Variants in MIGA1 observed in about 807,000 individuals in gnomAD.
MIGA1 encodes mitoguardin 1, also known as family with sequence similarity 73, member A.
A neutral mutation model predicts 82.0 loss-of-function variants in MIGA1; 58 were observed. The observed-to-expected ratio is 0.71, with a 90% confidence interval of 0.57 to 0.88. The LOEUF is 0.88. MIGA1 is among the 40% of genes least tolerant of loss of function. The pLI, the probability that MIGA1 is intolerant of heterozygous loss-of-function variation, is 0.00. For synonymous variants in MIGA1, 249 were observed against 253.6 expected (o/e 0.98, Z 0.17); for missense variants, 751 against 749.1 (o/e 1.00, Z -0.03).
At chr1:77,814,206 T>G (rs1376823854) in intron 6 of MIGA1, among the ~76,000 whole-genome samples, 6 of 152,184 alleles carry the variant, frequency 3.9e-5, no homozygotes, top group Non-Finnish European at 8.8e-5. Flanking sequence ...TTTTTTAATG[T>G]TGATTCAGTG....
At chr1:77,818,635 G>C (rs559289808) in intron 7 of MIGA1, among the ~76,000 whole-genome samples, 46 of 152,244 alleles carry the variant, frequency 3.0e-4, no homozygotes, top group Middle Eastern at 3.4e-3. Flanking sequence ...TTCCTGGCTC[G>C]ACATGGTGGC....
At chr1:77,848,714 A>C in intron 8 of MIGA1, 1 of 1,540,122 alleles carries the variant, frequency 6.5e-7, no homozygotes, top group Non-Finnish European at 9.0e-7. Flanking sequence ...AACAACGAAG[A>C]AACTGTAATG....
chr1:77,832,932 A>G (rs987897021), intron 7 of MIGA1, among the ~76,000 whole-genome samples: 6 of 152,194 alleles, frequency 3.9e-5, no homozygotes, highest in African/African-American at 1.4e-4. Context: ...TTAAGGGAAA[A>G]TTAGAGATTT....
chr1:77,857,369 G>C (rs1248653366), intron 8 of MIGA1, among the ~76,000 whole-genome samples: 1 of 148,258 alleles, frequency 6.7e-6, no homozygotes, highest in African/African-American at 2.5e-5. Context: ...GTATTGTATT[G>C]TATTTATGTA....
In MIGA1 at chr1:77,807,564, TGTTA is replaced by T. The variant is rs145581701; in HGVS notation, c.637+467_637+470del. ...CTAGTCTTCATAACGTCATACATTGTGTTAGTTTAAACTAATACAACAAAATTAA... is the reference window on the plus strand; with the variant it reads ...CTAGTCTTCATAACGTCATACATTGTGTTTAAACTAATACAACAAAATTAA... On this transcript the variant is annotated intron_variant, in intron 5 of 15. Transcript: ENST00000370791. Among the ~76,000 whole-genome samples the T allele has an allele frequency of 7.3e-3, 1,105 of 152,314 alleles. 16 individuals are homozygous for T. The highest frequency in any genetic ancestry group is 0.025 in the African/African-American group (1,030 of 41,560).
intron 7 of MIGA1, among the ~76,000 whole-genome samples, chr1:77,833,994 G>A (rs1161942226): frequency 6.6e-6 from 1 of 152,148 alleles, no homozygotes; most frequent in African/African-American, 2.4e-5. Context: ...TAAAAATTTT[G>A]ATAAATAGGG....
Position 77,860,224 on chromosome 1 carries a change from A to G in MIGA1, c.1275+98A>G, listed in dbSNP as rs1685413358. The G allele has an allele frequency of 3.4e-5, 26 of 757,172 alleles. No homozygotes were observed. In the South Asian group the frequency reaches 4.3e-4, roughly 13 times the overall value. The allele number at this position is 757,172 out of a possible 1,614,324, so 46.9% of individuals were successfully genotyped here. ...ACATTAAATTTTTGATAGAAGAAAA[A>G]TTTTTGTGGATAGTTGAAAAGGGCA... is the stretch of plus-strand genomic sequence containing the variant. On this transcript the variant is annotated intron_variant, in intron 11 of 15. Coordinates refer to ENST00000370791, the MANE Select transcript of MIGA1 (RefSeq NM_198549.4).
chr1:77,857,834 A>G (rs1057414950), intron 8 of MIGA1, among the ~76,000 whole-genome samples: 5 of 149,024 alleles, frequency 3.4e-5, no homozygotes, highest in African/African-American at 1.2e-4. Flanking sequence ...TATGCTAGCC[A>G]AAAGCACGAC....
At position 77,877,899 on chromosome 1, in the gene MIGA1, G is replaced by C. The variant is rs1366173032; in HGVS notation, c.*2835G>C. On this transcript the variant is annotated 3_prime_UTR_variant, in exon 16 of 16. Transcript: ENST00000370791. Reference sequence around the variant, plus strand: ...GGTTGGTTTGTCAAATTCAGTGTTTGAGTTTGTTTCTGGTCAGTTCAGTAG... The same window carrying C: ...GGTTGGTTTGTCAAATTCAGTGTTTCAGTTTGTTTCTGGTCAGTTCAGTAG... 1 of 152,540 alleles carries C rather than the reference G, an allele frequency of 6.6e-6. No homozygotes were observed. The highest frequency in any genetic ancestry group is 2.4e-5 in the African/African-American group (1 of 41,418). The allele number at this position is 152,540 out of a possible 1,614,324, so 9.4% of individuals were successfully genotyped here. A position where few individuals can be genotyped will look rare whatever the true frequency, so the allele number is the denominator to read the frequency against.
chr1:77,859,183 C>A, intron 9 of MIGA1, 127 bp downstream of exon 9: 1 of 975,172 alleles, frequency 1.0e-6, no homozygotes, highest in Non-Finnish European at 1.6e-6. Flanking sequence ...ATTATTTTTA[C>A]ATGTTCTGTC....
At chr1:77,822,275 A>G (rs898792539) in intron 7 of MIGA1, among the ~76,000 whole-genome samples, 3 of 152,140 alleles carry the variant, frequency 2.0e-5, no homozygotes, top group African/African-American at 7.2e-5. Flanking sequence ...TAAAGAGACC[A>G]TGGGGCCGGG....
chr1:77,847,202 A>AT (rs941317227), intron 8 of MIGA1: 8 of 1,281,808 alleles, frequency 6.2e-6, no homozygotes, highest in Non-Finnish European at 9.1e-6. Flanking sequence ...TTTGGGAATG[A>AT]TTCTGATGAT....
chr1:77,782,504 T>C (rs1461079079), intron 1 of MIGA1, among the ~76,000 whole-genome samples: 1 of 152,238 alleles, frequency 6.6e-6, no homozygotes, highest in Admixed American at 6.5e-5. Context: ...CCATGTAAAT[T>C]TGTTTAACAT....
At chr1:77,869,095 C>G (rs969790776) in intron 14 of MIGA1, among the ~76,000 whole-genome samples, 6 of 151,284 alleles carry the variant, frequency 4.0e-5, no homozygotes, top group Middle Eastern at 3.2e-3. Flanking sequence ...TGCAGCCTTC[C>G]GCAGTGTTTG....
At position 77,818,951 on chromosome 1, in the gene MIGA1, G is replaced by C. The variant is rs549306359; in HGVS notation, c.895+3720G>C. Among the ~76,000 whole-genome samples the C allele has an allele frequency of 2.6e-5, 4 of 151,726 alleles. No individual in the cohort carries two copies. In the South Asian group the frequency reaches 8.4e-4, roughly 32 times the overall value. On this transcript the variant is annotated intron_variant, in intron 7 of 15. Transcript: ENST00000370791. ...AAAAATTAGCTGGGCATGGTGGTGG[G>C]TGCCTGTAATCCCAGCTACTCGGGA...
intron 1 of MIGA1, among the ~76,000 whole-genome samples, 192 bp from the exon 2 acceptor site, chr1:77,783,046 A>G (rs967698041): frequency 6.6e-6 from 1 of 151,372 alleles, no homozygotes; most frequent in Non-Finnish European, 1.5e-5. Flanking sequence ...GCTATCTCCT[A>G]CAGGAAGGAT....
intron 8 of MIGA1, among the ~76,000 whole-genome samples, chr1:77,857,711 G>GTTGTTTTTTTTTTTTTTTTTT: frequency 7.4e-6 from 1 of 135,912 alleles, no homozygotes; most frequent in African/African-American, 3.0e-5. Context: ...TTTTCTAGAA[G>GTTGTTTTTTTTTTTTTTTTTT]TTTTCTGGGT....
chr1:77,796,024 A>G (rs1484951528), intron 2 of MIGA1, among the ~76,000 whole-genome samples: 1 of 152,102 alleles, frequency 6.6e-6, no homozygotes, highest in Non-Finnish European at 1.5e-5. Context: ...ACTATAGTGT[A>G]TTACTCATAA....
chr1:77,818,090 G>A (rs1469493735), intron 7 of MIGA1, among the ~76,000 whole-genome samples: 1 of 150,726 alleles, frequency 6.6e-6, no homozygotes, highest in Non-Finnish European at 1.5e-5. Context: ...TGAGTAGCTA[G>A]GACTACAGGT....
Sources: allele counts gnomAD v4.1 joint callset (sites outside exome capture counted in the v4.1 genomes callset), GRCh38; gene constraint gnomAD v4.1.1; transcripts MANE v1.5; gene names NCBI Gene and HGNC (gene_info 2026-07-23, HGNC 2026-07-21).